The following NIPAL1 variants were observed in gnomAD, a reference collection of about 807,000 sequenced individuals.
NIPAL1 encodes the protein NIPA like domain containing 1.
A neutral mutation model predicts 37.7 loss-of-function variants in NIPAL1; 35 were observed. The ratio of observed to expected loss-of-function variants is 0.93; its 90% CI spans 0.71 to 1.23. The LOEUF is 1.23. Ranked by LOEUF, NIPAL1 falls within the 50% of genes most tolerant of loss-of-function variation. NIPAL1 has a pLI of 0.00. For synonymous variants in NIPAL1, 162 were observed against 183.0 expected (o/e 0.89, Z 0.93); for missense variants, 412 against 473.9 (o/e 0.87, Z 1.21).
At position 48,037,902 on chromosome 4, in the gene NIPAL1, A is replaced by G. The variant is rs1459654156; in HGVS notation, c.*1730A>G. 6.6e-6 allele frequency: 1 copy of G among 152,136 alleles called. No individual in the cohort carries two copies. The highest frequency in any genetic ancestry group is 2.4e-5 in the African/African-American group (1 of 41,412). The allele number at this position is 152,136 out of a possible 1,614,324, so 9.4% of individuals were successfully genotyped here. A position where few individuals can be genotyped will look rare whatever the true frequency, so the allele number is the denominator to read the frequency against. ...TTATAACAATCTTATTTTTCTCAAA[A>G]CAAAAATCCTAACCAAAAAGTTGTC... On this transcript the variant is annotated 3_prime_UTR_variant, in exon 6 of 6. Coordinates refer to ENST00000295461, the MANE Select transcript of NIPAL1 (RefSeq NM_207330.3).
At chr4:48,034,669 T>G (rs1467224328) in intron 4 of NIPAL1, among the ~76,000 whole-genome samples, 1 of 152,196 alleles carries the variant, frequency 6.6e-6, no homozygotes, top group African/African-American at 2.4e-5. Context: ...ATATAGAATA[T>G]TATAGCTCTT....
chr4:48,035,478 C>T, intron 5 of NIPAL1, 84 bp from the exon 6 acceptor site: 1 of 1,293,534 alleles, frequency 7.7e-7, no homozygotes, highest in Non-Finnish European at 1.1e-6. Context: ...TACCTATGCT[C>T]TTAAACTCAT....
intron 1 of NIPAL1, among the ~76,000 whole-genome samples, chr4:48,018,488 T>C (rs542147409): frequency 6.6e-6 from 1 of 152,278 alleles, no homozygotes; most frequent in African/African-American, 2.4e-5. Flanking sequence ...TGGGAAGAGA[T>C]TAGGCTTTGG....
At chr4:48,022,943 A>G (rs1030560118) in intron 1 of NIPAL1, among the ~76,000 whole-genome samples, 33 of 152,176 alleles carry the variant, frequency 2.2e-4, no homozygotes, top group Admixed American at 2.2e-3. Context: ...AGCCGTGATG[A>G]CACCACTGCA....
In NIPAL1 at chr4:48,035,606, CTGATTT is replaced by C; in HGVS notation, c.673_678del (p.Leu225_Ile226del). ...GATCATAACTGTGATCTCCTTGGTGCTGATTTTGATTGTGGCTCCCAAGAAAGGACA... is the reference window on the plus strand; with the variant it reads ...GATCATAACTGTGATCTCCTTGGTGCTGATTGTGGCTCCCAAGAAAGGACA... On this transcript the variant is annotated inframe_deletion, in exon 6 of 6. Coordinates refer to ENST00000295461, the MANE Select transcript of NIPAL1 (RefSeq NM_207330.3). 1 of 1,613,064 alleles carries C rather than the reference CTGATTT, an allele frequency of 6.2e-7. No individual in the cohort carries two copies.
At chr4:48,034,777 C>T in intron 4 of NIPAL1, 104 bp from the exon 5 acceptor site, 1 of 805,750 alleles carries the variant, frequency 1.2e-6, no homozygotes, top group Non-Finnish European at 2.0e-6. Flanking sequence ...CCAGTCAGCT[C>T]ATTGGGATAC....
At position 48,034,968 on chromosome 4, in the gene NIPAL1, G is replaced by A; in HGVS notation, c.549G>A (p.Val183=). 6.2e-7 allele frequency: 1 copy of A among 1,613,218 alleles called. No individual in the cohort carries two copies. The highest frequency in any genetic ancestry group is 8.5e-7 in the Non-Finnish European group (1 of 1,179,138). Residue 183 remains valine, a synonymous_variant, in exon 5 of 6, where the codon GTG becomes GTA. Coordinates refer to ENST00000295461, the MANE Select transcript of NIPAL1 (RefSeq NM_207330.3). The stretch of plus-strand genomic sequence containing the variant: ...TATTAAGTATATTGGGGTCAACTGT[G>A]ATGGTTATCCATGCCCCACAAGAAG... The part of the protein sequence containing the change: ...GCILSILGST[V]MVIHAPQEEE...
At chr4:48,019,412 T>C (rs997099425) in intron 1 of NIPAL1, among the ~76,000 whole-genome samples, 4 of 152,224 alleles carry the variant, frequency 2.6e-5, no homozygotes, top group African/African-American at 7.2e-5. Flanking sequence ...AAGGTTGTTA[T>C]AAAGCTGTAA....
In NIPAL1 at chr4:48,038,263, A is replaced by G. The variant is rs756171163; in HGVS notation, c.*2091A>G. On this transcript the variant is annotated 3_prime_UTR_variant, in exon 6 of 6. Coordinates refer to ENST00000295461, the MANE Select transcript of NIPAL1 (RefSeq NM_207330.3). ...ATCCATGGAAGGTCCATGGGTTGAT[A>G]CCTCAGGTCAAAAATGTGTTTACTC... is the stretch of plus-strand genomic sequence containing the variant. The G allele has an allele frequency of 6.6e-6, 1 of 152,214 alleles. No homozygotes were observed. Among genetic ancestry groups the G allele is most frequent in the Non-Finnish European group, 1.5e-5 (1 of 68,044 alleles). 9.4% of individuals were successfully genotyped at this position (152,214 alleles called of 1,614,324 possible).
At chr4:48,032,781 A>G (rs556127692) in intron 3 of NIPAL1, among the ~76,000 whole-genome samples, 2 of 152,194 alleles carry the variant, frequency 1.3e-5, no homozygotes, top group African/African-American at 2.4e-5. Context: ...CATTTTTTGC[A>G]TCTTTTGAGT....
chr4:48,027,824 C>A lies in NIPAL1; in HGVS notation c.314-2296C>A, dbSNP rs1715724635. On this transcript the variant is annotated intron_variant, in intron 2 of 5. Transcript: ENST00000295461. This position sits in a 1 kb window ranked among gnomAD's most constrained non-coding sequence, Gnocchi z 4.1. Reference sequence around the variant, plus strand: ...TCAGCATGACAAGGTAGAGGTTAAGCAGAGTGCATCTGCCCAATGCTTGTT... The same window carrying A: ...TCAGCATGACAAGGTAGAGGTTAAGAAGAGTGCATCTGCCCAATGCTTGTT... Among the ~76,000 whole-genome samples, 1 of 152,170 alleles carries A rather than the reference C, an allele frequency of 6.6e-6. No homozygotes were observed. The highest frequency in any genetic ancestry group is 6.5e-5 in the Admixed American group (1 of 15,286).
At chr4:48,031,493 C>T (rs1272117207) in intron 3 of NIPAL1, among the ~76,000 whole-genome samples, 1 of 152,066 alleles carries the variant, frequency 6.6e-6, no homozygotes, top group South Asian at 2.1e-4. Flanking sequence ...ATCTCCCCAC[C>T]CTCTACCCAT....
At position 48,038,267 on chromosome 4, in the gene NIPAL1, C is replaced by G. The variant is rs1715997481; in HGVS notation, c.*2095C>G. The G allele has an allele frequency of 6.6e-6, 1 of 152,314 alleles. No homozygotes were observed. Among genetic ancestry groups the G allele is most frequent in the Non-Finnish European group, 1.5e-5 (1 of 68,014 alleles). The allele number at this position is 152,314 out of a possible 1,614,324, so 9.4% of individuals were successfully genotyped here. A position where few individuals can be genotyped will look rare whatever the true frequency, so the allele number is the denominator to read the frequency against. Reference sequence around the variant, plus strand: ...ATGGAAGGTCCATGGGTTGATACCTCAGGTCAAAAATGTGTTTACTCTGTT... The same window carrying G: ...ATGGAAGGTCCATGGGTTGATACCTGAGGTCAAAAATGTGTTTACTCTGTT... On this transcript the variant is annotated 3_prime_UTR_variant, in exon 6 of 6. Coordinates refer to ENST00000295461, the MANE Select transcript of NIPAL1 (RefSeq NM_207330.3).
At position 48,039,337 on chromosome 4, in the gene NIPAL1, G is replaced by A. The variant is rs964278588; in HGVS notation, c.*3165G>A. ...CCAGCCTGGGTAACAGCAAGACTCC[G>A]TCTCAAAAAAAAAAAAAATTCCCAA... On this transcript the variant is annotated 3_prime_UTR_variant, in exon 6 of 6. Transcript: ENST00000295461. 1 of 146,370 alleles carries A rather than the reference G, an allele frequency of 6.8e-6. No homozygotes were observed. The highest frequency in any genetic ancestry group is 1.5e-5 in the Non-Finnish European group (1 of 66,174). The allele number at this position is 146,370 out of a possible 1,614,324, so 9.1% of individuals were successfully genotyped here.
chr4:48,032,948 CAAGT>C (rs773813645), intron 3 of NIPAL1, 41 bp from the exon 4 acceptor site: 9 of 1,369,264 alleles, frequency 6.6e-6, no homozygotes, highest in African/African-American at 1.4e-5. Flanking sequence ...TCTCTTCTGA[CAAGT>C]AAGCCCATTT....
At position 48,035,754 on chromosome 4, in the gene NIPAL1, A is replaced by G. The variant is rs757705096; in HGVS notation, c.815A>G (p.Lys272Arg). The G allele has an allele frequency of 1.9e-6, 3 of 1,614,162 alleles. No individual in the cohort carries two copies. The highest frequency in any genetic ancestry group is 8.5e-7 in the Non-Finnish European group (1 of 1,180,020). Reference sequence around the variant, plus strand: ...CTGATAGAATGGAAGCCAGTTTACAAACATCCGCTGGTCTTTGTTTTGCTG... The same window carrying G: ...CTGATAGAATGGAAGCCAGTTTACAGACATCCGCTGGTCTTTGTTTTGCTG... ...KELIEWKPVY[K>R]HPLVFVLLAV... The change falls in exon 6 of 6, where the codon AAA (lysine) becomes AGA (arginine). Residue 272 changes from lysine to arginine, a missense_variant. Coordinates refer to ENST00000295461, the MANE Select transcript of NIPAL1 (RefSeq NM_207330.3).
intron 5 of NIPAL1, 85 bp from the exon 6 acceptor site, chr4:48,035,477 T>C (rs1227220628): frequency 8.1e-7 from 1 of 1,242,040 alleles, no homozygotes; most frequent in East Asian, 2.3e-5. Flanking sequence ...ATACCTATGC[T>C]CTTAAACTCA....
intron 1 of NIPAL1, among the ~76,000 whole-genome samples, chr4:48,017,827 C>CTA (rs1215695408): frequency 4.7e-5 from 7 of 150,238 alleles, no homozygotes; most frequent in Non-Finnish European, 3.0e-5. Flanking sequence ...GTAAGAACTA[C>CTA]TATATATATA....
chr4:48,035,044 C>T lies in NIPAL1; in HGVS notation c.622+3C>T. ...GGAAATGAAATTGAGAGACCCAGGT[C>T]TGTGATTCAACCTAAAGAACCACTC... is the stretch of plus-strand genomic sequence containing the variant. On this transcript the variant is annotated splice_donor_region_variant and intron_variant, in intron 5 of 5. Transcript: ENST00000295461. The T allele has an allele frequency of 6.2e-7, 1 of 1,612,602 alleles. No individual in the cohort carries two copies. The highest frequency in any genetic ancestry group is 1.7e-5 in the Admixed American group (1 of 59,938).
Sources: gnomAD v4.1 joint callset for allele counts (sites outside exome capture counted in the v4.1 genomes callset) on GRCh38, gnomAD v4.1.1 for gene constraint, Gnocchi (gnomAD v3.1) non-coding constraint, MANE v1.5 for transcripts, NCBI Gene and HGNC (gene_info 2026-07-23, HGNC 2026-07-21) for gene names.